Variants in DNAI1 observed in about 807,000 individuals in gnomAD.
DNAI1 encodes the protein dynein, axonemal, intermediate polypeptide 1.
DNAI1 carries 67 observed loss-of-function variants against 92.0 expected under a neutral mutation model. The observed-to-expected ratio is 0.73, with a 90% CI of 0.60 to 0.89. DNAI1 has a LOEUF of 0.89. Ranked by LOEUF, DNAI1 falls within the 40% of genes least tolerant of loss-of-function variation. The probability of loss-of-function intolerance (pLI) is 0.00; values close to 1 mark genes in which losing one functional copy is unlikely to be tolerated. For missense variants in DNAI1, 839 were observed against 866.6 expected (o/e 0.97, Z 0.40); for synonymous variants, 323 against 319.6 (o/e 1.01, Z -0.11).
chr9:34,463,166 G>A (rs1335744315), intron 1 of DNAI1, among the ~76,000 whole-genome samples: 2 of 152,082 alleles, frequency 1.3e-5, no homozygotes, highest in Non-Finnish European at 2.9e-5. Flanking sequence ...AGGGTGTGGG[G>A]TGAAGGGATG....
intron 4 of DNAI1, among the ~76,000 whole-genome samples, chr9:34,488,793 G>C (rs3793474): frequency 0.18 from 27,435 of 152,224 alleles, 2,688 homozygotes; most frequent in East Asian, 0.33. Flanking sequence ...GCCTAATCCT[G>C]CTTCTCATTT....
intron 1 of DNAI1, among the ~76,000 whole-genome samples, chr9:34,479,919 T>C (rs1422631177): frequency 6.6e-6 from 1 of 152,192 alleles, no homozygotes; most frequent in East Asian, 1.9e-4. Flanking sequence ...CCAAAGACCC[T>C]ATCATGCAAG....
intron 19 of DNAI1, 97 bp downstream of exon 19, chr9:34,517,564 G>T: frequency 1.4e-6 from 2 of 1,405,566 alleles, no homozygotes; most frequent in Non-Finnish European, 2.0e-6. Flanking sequence ...CCCAGTTTCT[G>T]ATGTGGGAGA....
chr9:34,511,900 A>G (rs1172394019), intron 13 of DNAI1, among the ~76,000 whole-genome samples: 1 of 152,100 alleles, frequency 6.6e-6, no homozygotes, highest in African/African-American at 2.4e-5. Flanking sequence ...CAGGATGGTC[A>G]AGAAAGGAAT....
At chr9:34,473,633 A>G (rs1290936910) in intron 1 of DNAI1, among the ~76,000 whole-genome samples, 1 of 152,130 alleles carries the variant, frequency 6.6e-6, no homozygotes, top group African/African-American at 2.4e-5. Context: ...CATATTTATA[A>G]TTTTTTGGGG....
At chr9:34,481,077 C>A (rs750292018) in intron 1 of DNAI1, among the ~76,000 whole-genome samples, 2 of 152,030 alleles carry the variant, frequency 1.3e-5, no homozygotes, top group Non-Finnish European at 2.9e-5. Flanking sequence ...CTCATCTCTA[C>A]TAAAAATACA....
intron 18 of DNAI1, among the ~76,000 whole-genome samples, chr9:34,516,403 G>C (rs1825171288): frequency 6.6e-6 from 1 of 152,234 alleles, no homozygotes. Context: ...GGGGAGACCA[G>C]TTAAGAGGCT....
intron 2 of DNAI1, among the ~76,000 whole-genome samples, chr9:34,483,773 T>G (rs1230961175): frequency 1.3e-5 from 2 of 152,212 alleles, no homozygotes; most frequent in East Asian, 3.9e-4. Context: ...TATAACATGT[T>G]TTTCACATAA....
chr9:34,458,862 C>A lies in DNAI1; in HGVS notation c.-144C>A. On this transcript the variant is annotated 5_prime_UTR_variant, in exon 1 of 20. Coordinates refer to ENST00000242317, the MANE Select transcript of DNAI1 (RefSeq NM_012144.4). This position sits in a 1 kb window ranked among gnomAD's most constrained non-coding sequence, Gnocchi z 6.6. Reference sequence around the variant, plus strand: ...TCTATCCTGCAAGGGCACGGGGACCCACAACGACGGCTGTCCCTAAAGAAC... The same window carrying A: ...TCTATCCTGCAAGGGCACGGGGACCAACAACGACGGCTGTCCCTAAAGAAC... 1 of 749,504 alleles carries A rather than the reference C, an allele frequency of 1.3e-6. No homozygotes were observed. Among genetic ancestry groups the A allele is most frequent in the South Asian group, 1.5e-5 (1 of 68,262 alleles). 46.4% of individuals were successfully genotyped at this position (749,504 alleles called of 1,614,324 possible). A position where few individuals can be genotyped will look rare whatever the true frequency, so the allele number is the denominator to read the frequency against.
chr9:34,499,193 G>T (rs564248745), intron 10 of DNAI1, among the ~76,000 whole-genome samples: 1 of 152,208 alleles, frequency 6.6e-6, no homozygotes, highest in South Asian at 2.1e-4. Flanking sequence ...CCCAAGCGGG[G>T]TAATCTCTGA....
chr9:34,516,012 T>G (rs894565678), intron 18 of DNAI1, among the ~76,000 whole-genome samples: 4 of 151,676 alleles, frequency 2.6e-5, no homozygotes, highest in Non-Finnish European at 4.4e-5. Context: ...AAAGAAAAAA[T>G]AAAAGGACTG....
Position 34,497,250 on chromosome 9 carries a change from C to T in DNAI1, c.901+51C>T, listed in dbSNP as rs974013676. 6 of 1,472,916 alleles carry T rather than the reference C, an allele frequency of 4.1e-6. No homozygotes were observed. In the Admixed American group the frequency reaches 5.0e-5, roughly 12 times the overall value. 91.2% of individuals were successfully genotyped at this position (1,472,916 alleles called of 1,614,324 possible). ...CTATTATTGCCTGTATTAAAAATTT[C>T]TCATAAAAGCTTGGGTTATTTGGGT... On this transcript the variant is annotated intron_variant, in intron 10 of 19. Transcript: ENST00000242317.
At chr9:34,477,924 CTTTT>C (rs74180566) in intron 1 of DNAI1, among the ~76,000 whole-genome samples, 38 of 49,018 alleles carry the variant, frequency 7.8e-4, no homozygotes, top group East Asian at 1.8e-3. Flanking sequence ...CTCTCTCTCT[CTTTT>C]TTTTTTTTTT....
rs3039302 is a variant in DNAI1, at chr9:34,467,440, T to TACACAC, written c.48+8424_48+8429dup. Among the ~76,000 whole-genome samples, 1,273 of 137,432 alleles carry TACACAC rather than the reference T, an allele frequency of 9.3e-3. 9 individuals carry two copies. Among genetic ancestry groups the TACACAC allele is most frequent in the African/African-American group, 0.016 (576 of 36,318 alleles). 90.2% of individuals were successfully genotyped at this position (137,432 alleles called of 152,430 possible). ...CAGCAAGACCCCATCTCTACACAAA[T>TACACAC]ACACACACACACACACACACACACA... On this transcript the variant is annotated intron_variant, in intron 1 of 19. Coordinates refer to ENST00000242317, the MANE Select transcript of DNAI1 (RefSeq NM_012144.4).
At chr9:34,480,924 C>T (rs536985675) in intron 1 of DNAI1, among the ~76,000 whole-genome samples, 1 of 152,188 alleles carries the variant, frequency 6.6e-6, no homozygotes, top group Non-Finnish European at 1.5e-5. Context: ...CCAGCCTAGG[C>T]AACAGAGTAA....
intron 1 of DNAI1, among the ~76,000 whole-genome samples, chr9:34,463,508 G>A (rs567560062): frequency 1.3e-5 from 2 of 152,342 alleles, no homozygotes; most frequent in African/African-American, 4.8e-5. Context: ...CTGGCTGCAT[G>A]TATACATGTA....
intron 13 of DNAI1, among the ~76,000 whole-genome samples, chr9:34,511,691 G>C (rs965971940): frequency 6.6e-6 from 1 of 152,138 alleles, no homozygotes; most frequent in Non-Finnish European, 1.5e-5. Context: ...ATGCTATTAT[G>C]ACTCCTGTTT....
chr9:34,466,679 A>T (rs1337989225), intron 1 of DNAI1, among the ~76,000 whole-genome samples: 1 of 152,252 alleles, frequency 6.6e-6, no homozygotes, highest in Non-Finnish European at 1.5e-5. Context: ...GTACATAGAT[A>T]ACCTAGAATT....
At chr9:34,499,588 A>G (rs1824787091) in intron 10 of DNAI1, among the ~76,000 whole-genome samples, 1 of 152,184 alleles carries the variant, frequency 6.6e-6, no homozygotes, top group African/African-American at 2.4e-5. Flanking sequence ...GTTTCAGTAG[A>G]GGAGAGGCAG....
Sources: allele counts gnomAD v4.1 joint callset (sites outside exome capture counted in the v4.1 genomes callset), GRCh38; gene constraint gnomAD v4.1.1; non-coding constraint Gnocchi (gnomAD v3.1); transcripts MANE v1.5; gene names NCBI Gene and HGNC (gene_info 2026-07-23, HGNC 2026-07-21).